The following KDM5B variants were observed in gnomAD, a reference collection of about 807,000 sequenced individuals.
The protein encoded by KDM5B is lysine-specific demethylase 5B.
In KDM5B, 144 loss-of-function variants were observed where a neutral mutation model predicts 193.4. The ratio of observed to expected loss-of-function variants is 0.74; its 90% CI spans 0.65 to 0.86. KDM5B has a LOEUF of 0.86. Ranked by LOEUF, KDM5B falls within the 40% of genes least tolerant of loss-of-function variation. KDM5B has a pLI of 0.00. For missense variants in KDM5B, 1,833 were observed against 1,886.9 expected, an observed-to-expected ratio of 0.97 and a Z score of 0.53; for synonymous variants, 668 against 682.6, an observed-to-expected ratio of 0.98 and a Z score of 0.33.
chr1:202,768,329 T>C (rs1050452236), intron 4 of KDM5B, among the ~76,000 whole-genome samples: 1 of 152,188 alleles, frequency 6.6e-6, no homozygotes, highest in East Asian at 1.9e-4. Context: ...CGAAAAACCT[T>C]TGTAAAAGTA....
chr1:202,777,478 C>G (rs1657006605), intron 1 of KDM5B, among the ~76,000 whole-genome samples: 1 of 151,600 alleles, frequency 6.6e-6, no homozygotes, highest in Non-Finnish European at 1.5e-5. Context: ...ATTTAACCTT[C>G]CAGTCACATT....
intron 1 of KDM5B, among the ~76,000 whole-genome samples, chr1:202,793,041 G>C (rs1411544545): frequency 2.6e-5 from 4 of 151,304 alleles, no homozygotes; most frequent in Non-Finnish European, 5.9e-5. Flanking sequence ...AGATGAAAGA[G>C]AGAAGCAGGC....
At chr1:202,756,297 T>G (rs1656007709) in intron 10 of KDM5B, 61 bp downstream of exon 10, 10 of 1,412,890 alleles carry the variant, frequency 7.1e-6, no homozygotes, top group Admixed American at 2.3e-5. Context: ...ATAAGTTACT[T>G]CAAGCCAACC....
At chr1:202,791,493 G>A (rs958510221) in intron 1 of KDM5B, among the ~76,000 whole-genome samples, 3 of 151,914 alleles carry the variant, frequency 2.0e-5, no homozygotes, top group Admixed American at 6.6e-5. Context: ...CTTGAATATT[G>A]TTGTTTTGTA....
At position 202,770,235 on chromosome 1, in the gene KDM5B, G is replaced by C. The variant is rs183460814; in HGVS notation, c.576+2883C>G. On this transcript the variant is annotated intron_variant, in intron 4 of 26. Coordinates refer to ENST00000367265, the MANE Select transcript of KDM5B (RefSeq NM_006618.5). ...TTTACTTGAGAAACCAGGACTTACA[G>C]GTGATTAATATCATCATCATGCCAT... 1.1e-3 allele frequency among the ~76,000 whole-genome samples: 161 copies of C among 152,200 alleles called. 1 individual carries two copies. The highest frequency in any genetic ancestry group is 1.7e-3 in the Admixed American group (26 of 15,288).
Position 202,764,034 on chromosome 1 carries a change from G to T in KDM5B, c.808+15C>A. On this transcript the variant is annotated intron_variant, in intron 6 of 26. Transcript: ENST00000367265. Reference sequence around the variant, plus strand: ...ATTTACTTTTTCTTTCCTATTCATTGACAAATTTTCTTACCATTTTCACAT... The same window carrying T: ...ATTTACTTTTTCTTTCCTATTCATTTACAAATTTTCTTACCATTTTCACAT... The T allele has an allele frequency of 7.3e-7, 1 of 1,368,932 alleles. No homozygotes were observed. The allele number at this position is 1,368,932 out of a possible 1,614,324, so 84.8% of individuals were successfully genotyped here. A position where few individuals can be genotyped will look rare whatever the true frequency, so the allele number is the denominator to read the frequency against.
Position 202,808,155 on chromosome 1 carries a change from T to C in KDM5B, c.151A>G (p.Lys51Glu). ...EFADPFAFIH[K>E]IRPIAEQTGI... ...GTCTGCTCGGCTATGGGCCGGATCT[T>C]GTGGATGAAAGCGAAGGGGTCCGCG... Residue 51 changes from lysine to glutamate, a missense_variant, in exon 1 of 27, where the codon AAG (lysine) becomes GAG (glutamate). This residue lies in a region of KDM5B where 355 missense variants were observed against 374.9 expected (regional missense o/e 0.95). Coordinates refer to ENST00000367265, the MANE Select transcript of KDM5B (RefSeq NM_006618.5). The C allele has an allele frequency of 6.2e-7, 1 of 1,613,032 alleles. No individual in the cohort carries two copies. The highest frequency in any genetic ancestry group is 8.5e-7 in the Non-Finnish European group (1 of 1,179,510).
At chr1:202,802,551 C>T (rs539070067) in intron 1 of KDM5B, among the ~76,000 whole-genome samples, 125 of 152,178 alleles carry the variant, frequency 8.2e-4, no homozygotes, top group African/African-American at 2.9e-3. Flanking sequence ...TGCCACCATG[C>T]CCAGCTAATT....
At chr1:202,769,832 G>A (rs564298034) in intron 4 of KDM5B, among the ~76,000 whole-genome samples, 304 of 152,246 alleles carry the variant, frequency 2.0e-3, no homozygotes, top group Non-Finnish European at 3.8e-3. Flanking sequence ...ATGAAAGCAT[G>A]CAGAGGGGAA....
chr1:202,787,295 G>A (rs1657451664), intron 1 of KDM5B, among the ~76,000 whole-genome samples: 1 of 152,094 alleles, frequency 6.6e-6, no homozygotes, highest in South Asian at 2.1e-4. Context: ...ACAGGTGTGA[G>A]CCACCCATCC....
chr1:202,768,878 C>T (rs1183069251), intron 4 of KDM5B, among the ~76,000 whole-genome samples: 3 of 151,524 alleles, frequency 2.0e-5, no homozygotes, highest in Non-Finnish European at 2.9e-5. Context: ...CCACCACGCC[C>T]GGCTGATTTT....
intron 1 of KDM5B, among the ~76,000 whole-genome samples, chr1:202,807,879 C>G (rs1433253910): frequency 1.3e-5 from 2 of 152,042 alleles, no homozygotes; most frequent in African/African-American, 4.8e-5. Context: ...TCCCATGGCA[C>G]CGCCGAAGCC....
chr1:202,789,488 G>A (rs959133826), intron 1 of KDM5B, among the ~76,000 whole-genome samples: 1 of 147,588 alleles, frequency 6.8e-6, no homozygotes, highest in South Asian at 2.3e-4. Context: ...AGTGAACTGA[G>A]ATGGCGCCAC....
At position 202,762,708 on chromosome 1, in the gene KDM5B, G is replaced by A; in HGVS notation, c.909C>T (p.Ala303=). 1 of 1,575,962 alleles carries A rather than the reference G, an allele frequency of 6.3e-7. No individual in the cohort carries two copies. The highest frequency in any genetic ancestry group is 8.7e-7 in the Non-Finnish European group (1 of 1,145,464). Residue 303 remains alanine, a synonymous_variant, in exon 7 of 27, where the codon GCC becomes GCT. Transcript: ENST00000367265. ...GGGAGATGTCACTCACAGCATTGGTGGCTTTTTTAGATCGACTCTTGGGCT... is the reference window on the plus strand; with the variant it reads ...GGGAGATGTCACTCACAGCATTGGTAGCTTTTTTAGATCGACTCTTGGGCT... ...KEKPKSRSKK[A]TNAVDLYVCL...
intron 12 of KDM5B, 148 bp downstream of exon 12, chr1:202,752,757 C>T (rs1572726475): frequency 1.5e-6 from 1 of 686,422 alleles, no homozygotes; most frequent in Non-Finnish European, 2.4e-6. Context: ...AGTAAATGTA[C>T]AGTACTGCAG....
chr1:202,730,048 T>C, intron 25 of KDM5B, 21 bp from the exon 26 acceptor site: 4 of 1,581,984 alleles, frequency 2.5e-6, no homozygotes, highest in Non-Finnish European at 3.4e-6. Flanking sequence ...GATAGGAAAG[T>C]TCAATTTTCG....
chr1:202,760,301 G>C (rs1234667673), intron 8 of KDM5B, 114 bp downstream of exon 8: 1 of 732,538 alleles, frequency 1.4e-6, no homozygotes, highest in Non-Finnish European at 2.1e-6. Context: ...GGGCAACAAA[G>C]TGAGTCCTTG....
intron 14 of KDM5B, among the ~76,000 whole-genome samples, chr1:202,748,655 AC>A (rs1655662844): frequency 6.6e-6 from 1 of 152,100 alleles, no homozygotes; most frequent in Admixed American, 6.6e-5. Context: ...GATAGCTTGA[AC>A]CCAGGAGTTT....
At chr1:202,762,884 T>C (rs1249822152) in intron 6 of KDM5B, 76 bp from the exon 7 acceptor site, 3 of 783,806 alleles carry the variant, frequency 3.8e-6, no homozygotes, top group Non-Finnish European at 4.6e-6. Flanking sequence ...CCAAAGCACA[T>C]ACTGTACACA....
Sources: gnomAD v4.1 joint callset for allele counts (sites outside exome capture counted in the v4.1 genomes callset) on GRCh38, gnomAD v4.1.1 for gene constraint, gnomAD v4.1.1 regional missense constraint, MANE v1.5 for transcripts, NCBI Gene and HGNC (gene_info 2026-07-23, HGNC 2026-07-21) for gene names.